Variants in ADGRV1 observed in about 807,000 individuals in gnomAD.
ADGRV1 encodes adhesion G protein-coupled receptor V1.
In ADGRV1, 359 loss-of-function variants were observed where a neutral mutation model predicts 596.2. That is an observed-to-expected ratio of 0.60 (90% CI 0.55 to 0.66). ADGRV1 has a LOEUF of 0.66. Among genes scored for constraint, ADGRV1 ranks in the 30% least tolerant of loss-of-function variants. The pLI is 0.00. For missense variants in ADGRV1, 7,274 were observed against 7,575.6 expected (o/e 0.96, Z 1.48); for synonymous variants, 2,681 against 2,679.2 (o/e 1.00, Z -0.02).
chr5:90,996,555 A>G (rs1289687479), intron 85 of ADGRV1, among the ~76,000 whole-genome samples: 7 of 152,164 alleles, frequency 4.6e-5, no homozygotes, highest in Non-Finnish European at 7.4e-5. Context: ...AACCTTTACT[A>G]GGGCAGTACA....
Position 91,004,750 on chromosome 5 carries a change from G to A in ADGRV1, c.18152+19228G>A, listed in dbSNP as rs148533746. Among the ~76,000 whole-genome samples the A allele has an allele frequency of 1.4e-3, 211 of 152,218 alleles. 1 individual carries two copies. Among genetic ancestry groups the A allele is most frequent in the African/African-American group, 4.9e-3 (202 of 41,522 alleles). ...AAAGAGAAATGCTGGAAAACACTGG[G>A]GCTTCAGGGGGAGAATGGCCATGAT... On this transcript the variant is annotated intron_variant, in intron 85 of 89. Coordinates refer to ENST00000405460, the MANE Select transcript of ADGRV1 (RefSeq NM_032119.4).
rs1562121819 is a variant in ADGRV1 at position 91,035,862 on chromosome 5, T to TATATATA, written c.18153-36584_18153-36578dup. 2.1e-3 allele frequency among the ~76,000 whole-genome samples: 35 copies of TATATATA among 16,520 alleles called. No individual in the cohort carries two copies. In the Admixed American group the frequency reaches 0.022, roughly 10 times the overall value. 10.8% of individuals were successfully genotyped at this position (16,520 alleles called of 152,430 possible). A position where few individuals can be genotyped will look rare whatever the true frequency, so the allele number is the denominator to read the frequency against. The stretch of plus-strand genomic sequence containing the variant: ...TGAGTGTGTATATATATATATATAT[T>TATATATA]ATATATATATATATATATATCTTAC... On this transcript the variant is annotated intron_variant, in intron 85 of 89. Coordinates refer to ENST00000405460, the MANE Select transcript of ADGRV1 (RefSeq NM_032119.4).
At chr5:90,910,488 C>T (rs1772764828) in intron 83 of ADGRV1, among the ~76,000 whole-genome samples, 1 of 151,880 alleles carries the variant, frequency 6.6e-6, no homozygotes, top group South Asian at 2.1e-4. Flanking sequence ...TTATACTCAA[C>T]CTTTAAAATG....
intron 4 of ADGRV1, among the ~76,000 whole-genome samples, chr5:90,622,118 C>T (rs1487375516): frequency 6.6e-6 from 1 of 152,194 alleles, no homozygotes; most frequent in Non-Finnish European, 1.5e-5. Context: ...CTTTCACCTC[C>T]TGCAGAGATC....
intron 50 of ADGRV1, among the ~76,000 whole-genome samples, chr5:90,738,452 A>G (rs1339784125): frequency 6.6e-6 from 1 of 152,066 alleles, no homozygotes; most frequent in African/African-American, 2.4e-5. Flanking sequence ...TCAGACTTTC[A>G]TTTAAGCTTA....
intron 1 of ADGRV1, among the ~76,000 whole-genome samples, chr5:90,614,473 T>C (rs1051386212): frequency 6.6e-6 from 1 of 152,140 alleles, no homozygotes; most frequent in Non-Finnish European, 1.5e-5. Flanking sequence ...TTTGTGTAAA[T>C]ATGGGCTTTA....
chr5:90,819,976 A>G (rs1430298853), intron 75 of ADGRV1, among the ~76,000 whole-genome samples: 1 of 149,596 alleles, frequency 6.7e-6, no homozygotes, highest in Non-Finnish European at 1.5e-5. Flanking sequence ...ATCCTTGTTG[A>G]CTTTCTGTCT....
Position 90,645,986 on chromosome 5 carries a change from G to A in ADGRV1, c.2917G>A (p.Glu973Lys). 6.3e-7 allele frequency: 1 copy of A among 1,592,706 alleles called. No individual in the cohort carries two copies. Among genetic ancestry groups the A allele is most frequent in the Non-Finnish European group, 8.6e-7 (1 of 1,169,074 alleles). ...LPDEIPEEME[E>K]FTVILLNGTG... is the part of the protein sequence containing the mutation. The stretch of plus-strand genomic sequence containing the variant: ...TCCAAAGATTCCAGAAGAAATGGAA[G>A]AATTTACCGTTATCCTACTGAATGG... Residue 973 changes from glutamate (E) to lysine (K), a missense_variant, in exon 16 of 90, where the codon GAA becomes AAA. Glu to Lys is a moderately conservative substitution (Grantham distance 56). Around this residue, in one of 5 missense-constraint regions of ADGRV1, gnomAD observed 1,715 missense variants for 1,708.8 expected, o/e 1.00. Transcript: ENST00000405460.
In ADGRV1 at chr5:90,627,522, C is replaced by G. The variant is rs1764924067; in HGVS notation, c.984C>G (p.Asn328Lys). 1 of 1,613,924 alleles carries G rather than the reference C, an allele frequency of 6.2e-7. No individual in the cohort carries two copies. The highest frequency in any genetic ancestry group is 1.1e-5 in the South Asian group (1 of 91,072). ...TGGACTTCATTGATCTTCAGCCAAA[C>G]ACAACTGTTGTTTTTCCACCTTTTA... ...QNLDFIDLQP[N>K]TTVVFPPFIH... is the part of the protein sequence containing the mutation. The change falls in exon 7 of 90, where the codon AAC (asparagine) becomes AAG (lysine). Residue 328 changes from asparagine (N) to lysine (K), a missense_variant. By Grantham distance (94) the Asn-to-Lys change is moderately conservative. Transcript: ENST00000405460.
At chr5:90,936,084 G>A (rs1775662071) in intron 83 of ADGRV1, among the ~76,000 whole-genome samples, 1 of 152,104 alleles carries the variant, frequency 6.6e-6, no homozygotes, top group Admixed American at 6.6e-5. Flanking sequence ...AAGTTACCAG[G>A]ATGCTTTTTA....
In ADGRV1 at chr5:90,753,570, C is replaced by A. The variant is rs753742004; in HGVS notation, c.11122-4C>A. 6.3e-7 allele frequency: 1 copy of A among 1,579,624 alleles called. No homozygotes were observed. The highest frequency in any genetic ancestry group is 2.2e-5 in the East Asian group (1 of 44,504). On this transcript the variant is annotated splice_region_variant and splice_polypyrimidine_tract_variant and intron_variant, in intron 53 of 89. Coordinates refer to ENST00000405460, the MANE Select transcript of ADGRV1 (RefSeq NM_032119.4). Reference sequence around the variant, plus strand: ...AATAACATCTTCTTTCTTTAAAATTCTAGATTTTATTTACTGAAGGCCAGG... The same window carrying A: ...AATAACATCTTCTTTCTTTAAAATTATAGATTTTATTTACTGAAGGCCAGG...
intron 83 of ADGRV1, among the ~76,000 whole-genome samples, chr5:90,938,594 T>C (rs1450143396): frequency 6.6e-6 from 1 of 152,130 alleles, no homozygotes; most frequent in Admixed American, 6.5e-5. Context: ...AATTCCCCTC[T>C]CCCTTTCACT....
intron 82 of ADGRV1, among the ~76,000 whole-genome samples, chr5:90,857,348 A>G (rs941093420): frequency 1.3e-5 from 2 of 152,142 alleles, no homozygotes; most frequent in Non-Finnish European, 2.9e-5. Context: ...ATGTGCTGCT[A>G]TGACCCACAA....
chr5:90,920,931 ACT>A (rs1773820414), intron 83 of ADGRV1, among the ~76,000 whole-genome samples: 2 of 151,804 alleles, frequency 1.3e-5, no homozygotes, highest in Admixed American at 6.6e-5. Flanking sequence ...ACTTTGTAAA[ACT>A]CTCTTTCTTT....
At chr5:90,706,195 A>T in intron 37 of ADGRV1, 36 bp from the exon 38 acceptor site, 1 of 1,570,932 alleles carries the variant, frequency 6.4e-7, no homozygotes, top group East Asian at 2.2e-5. Context: ...AAACATTTAG[A>T]TAATTATAAA....
At chr5:91,117,403 A>G (rs1268470034) in intron 87 of ADGRV1, among the ~76,000 whole-genome samples, 1 of 152,112 alleles carries the variant, frequency 6.6e-6, no homozygotes, top group Non-Finnish European at 1.5e-5. Context: ...CAGAACAAGA[A>G]CAATAATATT....
intron 87 of ADGRV1, among the ~76,000 whole-genome samples, chr5:91,128,433 G>A (rs910375909): frequency 1.3e-5 from 2 of 152,042 alleles, no homozygotes; most frequent in Non-Finnish European, 2.9e-5. Context: ...TTCCCTCACT[G>A]AACTAGCCAC....
rs1245897487 is a variant in ADGRV1 at position 90,693,793 on chromosome 5, T to C, written c.7134-97T>C. The C allele has an allele frequency of 5.5e-6, 5 of 911,050 alleles. No homozygotes were observed. The African/African-American group carries it at 6.7e-5, about 12-fold the overall frequency. The allele number at this position is 911,050 out of a possible 1,614,324, so 56.4% of individuals were successfully genotyped here. A position where few individuals can be genotyped will look rare whatever the true frequency, so the allele number is the denominator to read the frequency against. On this transcript the variant is annotated intron_variant, in intron 32 of 89. Coordinates refer to ENST00000405460, the MANE Select transcript of ADGRV1 (RefSeq NM_032119.4). ...GTTTGTACTATGACTTTAAACATTT[T>C]TTTAAAAAACTAAAGACCACAGTCA...
rs374340308 is a variant in ADGRV1, at chr5:90,631,155, G to A, written c.1839+1616G>A. Among the ~76,000 whole-genome samples, 343 of 152,254 alleles carry A rather than the reference G, an allele frequency of 2.3e-3. 2 individuals are homozygous for A. The highest frequency in any genetic ancestry group is 7.2e-3 in the African/African-American group (301 of 41,550). On this transcript the variant is annotated intron_variant, in intron 9 of 89. Coordinates refer to ENST00000405460, the MANE Select transcript of ADGRV1 (RefSeq NM_032119.4). ...TCTTCAGAACTTGAAAGGTATTGTT[G>A]TTAAGCTTCTAGAGTTGCAGATGAG...
Sources: gnomAD v4.1 joint callset for allele counts (sites outside exome capture counted in the v4.1 genomes callset) on GRCh38, gnomAD v4.1.1 for gene constraint, gnomAD v4.1.1 regional missense constraint, MANE v1.5 for transcripts, NCBI Gene and HGNC (gene_info 2026-07-23, HGNC 2026-07-21) for gene names.